Variants in CCDC148 observed in about 807,000 individuals in gnomAD.
CCDC148 encodes coiled-coil domain containing 148, also known as coiled-coil domain-containing protein 148.
CCDC148 carries 89 observed loss-of-function variants against 85.7 expected under a neutral mutation model. The ratio of observed to expected loss-of-function variants is 1.04; its 90% CI spans 0.87 to 1.24. The LOEUF is 1.24. CCDC148 is among the 50% of genes most tolerant of loss of function. The probability of loss-of-function intolerance (pLI) is 0.00; values close to 1 mark genes in which losing one functional copy is unlikely to be tolerated. For missense variants in CCDC148, 692 were observed against 671.7 expected (o/e 1.03, Z -0.33); for synonymous variants, 230 against 213.9 (o/e 1.08, Z -0.66).
At chr2:158,365,530 A>G (rs1684158992) in intron 1 of CCDC148, among the ~76,000 whole-genome samples, 1 of 152,200 alleles carries the variant, frequency 6.6e-6, no homozygotes, top group South Asian at 2.1e-4. Flanking sequence ...GCTGGAAACC[A>G]TCACTCTCAG....
At position 158,406,626 on chromosome 2, in the gene CCDC148, T is replaced by TC. The variant is rs1559124624; in HGVS notation, c.26-48057_26-48056insG. Among the ~76,000 whole-genome samples, 13 of 29,856 alleles carry TC rather than the reference T, an allele frequency of 4.4e-4. 1 individual carries two copies. The South Asian group carries it at 0.011, about 26-fold the overall frequency. The allele number at this position is 29,856 out of a possible 152,430, so 19.6% of individuals were successfully genotyped here. On this transcript the variant is annotated intron_variant, in intron 1 of 13. Coordinates refer to ENST00000283233, the MANE Select transcript of CCDC148 (RefSeq NM_138803.4). Reference sequence around the variant, plus strand: ...CAGATTAAATTTCTTTTTTTTTTTTTTTTTTTTTTTTTTTGAGACAGTGTC... The same window carrying TC: ...CAGATTAAATTTCTTTTTTTTTTTTTCTTTTTTTTTTTTTTGAGACAGTGTC...
At chr2:158,327,618 T>C (rs943699118) in intron 7 of CCDC148, among the ~76,000 whole-genome samples, 2 of 152,198 alleles carry the variant, frequency 1.3e-5, no homozygotes, top group Non-Finnish European at 2.9e-5. Context: ...ATAAAATGCT[T>C]AATATAACAC....
chr2:158,438,527 A>T (rs996446287), intron 1 of CCDC148, among the ~76,000 whole-genome samples: 1 of 152,354 alleles, frequency 6.6e-6, no homozygotes, highest in East Asian at 1.9e-4. Flanking sequence ...AAACCCTAGA[A>T]GAAAACCTAG....
chr2:158,304,611 A>T (rs1358620228), intron 9 of CCDC148, among the ~76,000 whole-genome samples: 1 of 152,220 alleles, frequency 6.6e-6, no homozygotes, highest in Non-Finnish European at 1.5e-5. Flanking sequence ...AAAAAGATTG[A>T]TGAATTATAT....
intron 9 of CCDC148, among the ~76,000 whole-genome samples, chr2:158,306,842 AC>A (rs1489747375): frequency 2.8e-5 from 4 of 144,400 alleles, no homozygotes; most frequent in Non-Finnish European, 4.6e-5. Flanking sequence ...AAAAAAAAAA[AC>A]ACTAAAAAAA....
intron 11 of CCDC148, among the ~76,000 whole-genome samples, chr2:158,185,372 G>A (rs1245896699): frequency 6.6e-6 from 1 of 152,144 alleles, no homozygotes. Context: ...GGTCTATTCA[G>A]TAAAATCAAA....
intron 7 of CCDC148, among the ~76,000 whole-genome samples, chr2:158,331,969 G>T (rs912482586): frequency 1.3e-4 from 20 of 152,156 alleles, no homozygotes; most frequent in Admixed American, 2.6e-4. Flanking sequence ...CAATTTGCCA[G>T]TCTGTGTCTT....
At chr2:158,377,980 TC>T (rs1368329570) in intron 1 of CCDC148, among the ~76,000 whole-genome samples, 2 of 152,092 alleles carry the variant, frequency 1.3e-5, no homozygotes, top group South Asian at 4.1e-4. Context: ...CCCTACAATG[TC>T]CTGTAGGTGT....
chr2:158,172,125 T>TA lies in CCDC148; in HGVS notation c.1763dup (p.Phe589IlefsTer2). On this transcript the variant is annotated frameshift_variant, in exon 14 of 14. Coordinates refer to ENST00000283233, the MANE Select transcript of CCDC148 (RefSeq NM_138803.4). LOFTEE classifies it high-confidence loss of function. ...TTGAGGATGAGCTCTATATTTTAAA[T>TA]ACAGTAGACTCCATGTCCTTTCTTG... is the stretch of plus-strand genomic sequence containing the variant. 6.2e-7 allele frequency: 1 copy of TA among 1,600,568 alleles called. No individual in the cohort carries two copies. The highest frequency in any genetic ancestry group is 1.7e-4 in the Middle Eastern group (1 of 5,970).
At chr2:158,366,436 CAAGT>C (rs10538201) in intron 1 of CCDC148, among the ~76,000 whole-genome samples, 26,802 of 152,044 alleles carry the variant, frequency 0.18, 3,039 homozygotes, top group Middle Eastern at 0.25. Flanking sequence ...ACTTCTATTA[CAAGT>C]AATATGGCAC....
At chr2:158,391,534 T>C (rs1238464548) in intron 1 of CCDC148, among the ~76,000 whole-genome samples, 2 of 152,314 alleles carry the variant, frequency 1.3e-5, no homozygotes, top group East Asian at 3.9e-4. Context: ...AACACAAGTA[T>C]ATTGCTAGTC....
At chr2:158,382,053 G>A (rs1355503583) in intron 1 of CCDC148, among the ~76,000 whole-genome samples, 2 of 152,108 alleles carry the variant, frequency 1.3e-5, no homozygotes, top group East Asian at 1.9e-4. Flanking sequence ...AAAAGAAATT[G>A]AAAAGTGTGT....
intron 2 of CCDC148, among the ~76,000 whole-genome samples, chr2:158,352,285 G>A (rs9678021): frequency 2.0e-5 from 3 of 149,868 alleles, no homozygotes; most frequent in Admixed American, 6.6e-5. Flanking sequence ...TCTGAGCTAC[G>A]GGAGGACATT....
intron 9 of CCDC148, among the ~76,000 whole-genome samples, chr2:158,260,391 C>G (rs1689169493): frequency 6.6e-6 from 1 of 151,880 alleles, no homozygotes; most frequent in Non-Finnish European, 1.5e-5. Context: ...TATGACAAAC[C>G]CACAGCAACA....
chr2:158,415,763 A>C (rs956856195), intron 1 of CCDC148, among the ~76,000 whole-genome samples: 4 of 152,198 alleles, frequency 2.6e-5, no homozygotes, highest in African/African-American at 9.6e-5. Context: ...GCAGTCACTA[A>C]ATCTTAAAGC....
chr2:158,399,648 A>G (rs1685685687), intron 1 of CCDC148, among the ~76,000 whole-genome samples: 1 of 152,164 alleles, frequency 6.6e-6, no homozygotes, highest in Admixed American at 6.6e-5. Flanking sequence ...GCTATTTATG[A>G]CAAACCCACA....
chr2:158,176,527 T>C lies in CCDC148; in HGVS notation c.1623A>G (p.Glu541=), dbSNP rs565290501. The change falls in exon 13 of 14, where the codon GAA becomes GAG. Residue 541 remains glutamate, a synonymous_variant. Transcript: ENST00000283233. ...TGCTAATTTCCATAATTACCTGCTG[T>C]TCATTGTATGTATTCAATGTGAAGA... ...KPLFTLNTYN[E]QQIISDPRLR... The C allele has an allele frequency of 8.7e-6, 14 of 1,611,104 alleles. No individual in the cohort carries two copies. Among genetic ancestry groups the C allele is most frequent in the South Asian group, 5.5e-5 (5 of 90,932 alleles).
intron 1 of CCDC148, among the ~76,000 whole-genome samples, chr2:158,401,910 A>C (rs2105306836): frequency 6.6e-6 from 1 of 152,116 alleles, no homozygotes; most frequent in South Asian, 2.1e-4. Context: ...CAGCTACAGA[A>C]CCAAAGAATA....
At chr2:158,189,987 A>G (rs575738924) in intron 11 of CCDC148, among the ~76,000 whole-genome samples, 4 of 152,170 alleles carry the variant, frequency 2.6e-5, no homozygotes, top group African/African-American at 9.6e-5. Flanking sequence ...TAGGTAAATA[A>G]CAGGACACAG....
Sources: allele counts gnomAD v4.1 joint callset (sites outside exome capture counted in the v4.1 genomes callset), GRCh38; gene constraint gnomAD v4.1.1; transcripts MANE v1.5; gene names NCBI Gene and HGNC (gene_info 2026-07-23, HGNC 2026-07-21).